The following CRADD variants were observed in gnomAD, a reference collection of about 807,000 sequenced individuals.
CRADD encodes CARD and death domain containing adaptor protein.
Under a neutral mutation model 15.5 loss-of-function variants are expected in CRADD, and 9 were observed. That is an observed-to-expected ratio of 0.58 (90% confidence interval 0.35 to 1.01). The LOEUF (loss-of-function observed/expected upper bound fraction) is 1.01, where lower values mean the gene tolerates loss of function less well. CRADD is among the 50% of genes least tolerant of loss of function. The pLI is 0.02. For synonymous variants in CRADD, 118 were observed against 107.6 expected, an observed-to-expected ratio of 1.10 and a Z score of -0.60; for missense variants, 227 against 250.3, an observed-to-expected ratio of 0.91 and a Z score of 0.63.
chr12:93,822,592 A>G (rs1438200937), intron 2 of CRADD, among the ~76,000 whole-genome samples: 2 of 152,198 alleles, frequency 1.3e-5, no homozygotes, highest in Admixed American at 6.5e-5. Flanking sequence ...AGGAAAAAGT[A>G]GTGATGGGAC....
At chr12:93,805,868 C>T (rs968491611) in intron 2 of CRADD, among the ~76,000 whole-genome samples, 9 of 152,002 alleles carry the variant, frequency 5.9e-5, no homozygotes, top group African/African-American at 1.9e-4. Flanking sequence ...TATCATAATG[C>T]GGCATAGAGC....
At chr12:93,716,712 G>A (rs79641175) in intron 2 of CRADD, among the ~76,000 whole-genome samples, 2,736 of 152,178 alleles carry the variant, frequency 0.018, 72 homozygotes, top group African/African-American at 0.062. Context: ...TTAATAGCTC[G>A]TTTCCTTTTA....
At chr12:93,688,254 A>G (rs546548754) in intron 2 of CRADD, among the ~76,000 whole-genome samples, 1 of 152,318 alleles carries the variant, frequency 6.6e-6, no homozygotes, top group Admixed American at 6.5e-5. Flanking sequence ...GTTAATTCCA[A>G]CAGTTTGGGA....
chr12:93,850,161 T>G lies in CRADD; in HGVS notation c.490T>G (p.Phe164Val). ...CGTGCAGTCGCAGGTGGTGGAGGCC[T>G]TCATCCGTTGGCGGCAGCGCTTCGG... ...HNVQSQVVEA[F>V]IRWRQRFGKQ... Residue 164 changes from phenylalanine to valine, a missense_variant, in exon 3 of 3, where the codon TTC (phenylalanine) becomes GTC (valine). Coordinates refer to ENST00000332896, the MANE Select transcript of CRADD (RefSeq NM_003805.5). This position sits in a 1 kb window ranked among gnomAD's most constrained non-coding sequence, Gnocchi z 4.0. 1.2e-6 allele frequency: 2 copies of G among 1,613,784 alleles called. No individual in the cohort carries two copies. The highest frequency in any genetic ancestry group is 1.7e-6 in the Non-Finnish European group (2 of 1,179,772).
At chr12:93,797,763 G>T (rs570981733) in intron 2 of CRADD, among the ~76,000 whole-genome samples, 1 of 152,236 alleles carries the variant, frequency 6.6e-6, no homozygotes, top group East Asian at 1.9e-4. Flanking sequence ...TTATAACAAT[G>T]CATAATTATA....
At chr12:93,705,367 G>A (rs760162002) in intron 2 of CRADD, among the ~76,000 whole-genome samples, 1 of 152,192 alleles carries the variant, frequency 6.6e-6, no homozygotes, top group Non-Finnish European at 1.5e-5. Context: ...GTGTAGTCAT[G>A]TTTTAGTAAA....
At chr12:93,719,726 C>G (rs184903266) in intron 2 of CRADD, among the ~76,000 whole-genome samples, 1 of 152,210 alleles carries the variant, frequency 6.6e-6, no homozygotes, top group Non-Finnish European at 1.5e-5. Flanking sequence ...AATTTGTGGG[C>G]ATAAAGTTGT....
rs143287729 is a variant in CRADD at position 93,879,796 on chromosome 12, T to A, written c.299-14254T>A. 1.2e-3 allele frequency among the ~76,000 whole-genome samples: 178 copies of A among 152,304 alleles called. 1 individual carries two copies. The highest frequency in any genetic ancestry group is 3.9e-3 in the African/African-American group (162 of 41,562). On this transcript the variant is annotated intron_variant, in intron 2 of 2. Coordinates refer to the CRADD transcript ENST00000548483. ...TCAGAGAGCCTGGGAGCAAACACAATAACTAGCTGCTCTATGTGCCACTGG... is the reference window on the plus strand; with the variant it reads ...TCAGAGAGCCTGGGAGCAAACACAAAAACTAGCTGCTCTATGTGCCACTGG...
chr12:93,750,404 A>C (rs10437856), intron 2 of CRADD, among the ~76,000 whole-genome samples: 2 of 152,354 alleles, frequency 1.3e-5, no homozygotes, highest in South Asian at 4.1e-4. Flanking sequence ...ACTTCATTTT[A>C]GATGTTAACT....
intron 2 of CRADD, chr12:93,859,514 T>A (rs1417465255): frequency 8.1e-6 from 3 of 371,538 alleles, no homozygotes; most frequent in East Asian, 1.5e-4. Flanking sequence ...ATTAAGGATA[T>A]GATTTTATTC....
chr12:93,758,889 A>T (rs1956919735), intron 2 of CRADD, among the ~76,000 whole-genome samples: 1 of 152,170 alleles, frequency 6.6e-6, no homozygotes, highest in South Asian at 2.1e-4. Flanking sequence ...TGAGGCTGGG[A>T]CTGTTCAGAG....
At chr12:93,753,499 AAGTCCCTTCCGCTTATG>A (rs1280714098) in intron 2 of CRADD, among the ~76,000 whole-genome samples, 4 of 152,224 alleles carry the variant, frequency 2.6e-5, no homozygotes, top group African/African-American at 9.7e-5. Context: ...GAGACAAGGC[AAGTCCCTTCCGCTTATG>A]AGCCTGTAAA....
At chr12:93,816,301 C>T (rs1231250682) in intron 2 of CRADD, among the ~76,000 whole-genome samples, 1 of 151,918 alleles carries the variant, frequency 6.6e-6, no homozygotes, top group East Asian at 1.9e-4. Context: ...ACTGCAGCCT[C>T]CGCCTCTGTG....
intron 2 of CRADD, among the ~76,000 whole-genome samples, chr12:93,718,093 C>T (rs769908476): frequency 2.6e-5 from 4 of 152,118 alleles, no homozygotes; most frequent in African/African-American, 4.8e-5. Flanking sequence ...TACATTAAGC[C>T]GTAAAGTCAG....
rs537416485 is a variant in CRADD, at chr12:93,765,463, C to A, written c.299-84507C>A. ...CAGATTCACAAAGTGTACCTGAGGTCATCTGTTTCCTGGAGCTGTAATTTT... is the reference window on the plus strand; with the variant it reads ...CAGATTCACAAAGTGTACCTGAGGTAATCTGTTTCCTGGAGCTGTAATTTT... On this transcript the variant is annotated intron_variant, in intron 2 of 2. Transcript: ENST00000332896. Among the ~76,000 whole-genome samples, 289 of 152,266 alleles carry A rather than the reference C, an allele frequency of 1.9e-3. 1 individual carries two copies. The highest frequency in any genetic ancestry group is 6.2e-3 in the African/African-American group (256 of 41,550).
intron 2 of CRADD, among the ~76,000 whole-genome samples, chr12:93,757,619 A>C (rs1216608609): frequency 6.6e-6 from 1 of 152,220 alleles, no homozygotes; most frequent in Non-Finnish European, 1.5e-5. Context: ...TGAGAGTAGC[A>C]GTATATCACT....
At chr12:93,693,269 A>C (rs1955615736) in intron 2 of CRADD, among the ~76,000 whole-genome samples, 1 of 152,256 alleles carries the variant, frequency 6.6e-6, no homozygotes, top group East Asian at 1.9e-4. Context: ...AAATGGATTA[A>C]ATTCTCCAGT....
chr12:93,822,074 C>T (rs1320455311), intron 2 of CRADD, among the ~76,000 whole-genome samples: 5 of 151,468 alleles, frequency 3.3e-5, no homozygotes, highest in Admixed American at 6.6e-5. Flanking sequence ...GCCGAGATTG[C>T]GCCACTGCAC....
chr12:93,739,236 G>A (rs1259277970), intron 2 of CRADD, among the ~76,000 whole-genome samples: 1 of 152,054 alleles, frequency 6.6e-6, no homozygotes, highest in Non-Finnish European at 1.5e-5. Context: ...ATGTTGAGGA[G>A]ACTTTGAGTA....
Sources: allele counts gnomAD v4.1 joint callset (sites outside exome capture counted in the v4.1 genomes callset), GRCh38; gene constraint gnomAD v4.1.1; non-coding constraint Gnocchi (gnomAD v3.1); transcripts MANE v1.5; gene names NCBI Gene and HGNC (gene_info 2026-07-23, HGNC 2026-07-21).